Variants in CTTNBP2 observed in about 807,000 individuals in gnomAD.
The protein encoded by CTTNBP2 is cortactin-binding protein 2.
A neutral mutation model predicts 156.9 loss-of-function variants in CTTNBP2; 108 were observed. The ratio of observed to expected loss-of-function variants is 0.69; its 90% CI spans 0.59 to 0.81. The LOEUF (loss-of-function observed/expected upper bound fraction) is 0.81, where lower values mean the gene tolerates loss of function less well. CTTNBP2 is among the 30% of genes least tolerant of loss of function. The pLI, the probability that CTTNBP2 is intolerant of heterozygous loss-of-function variation, is 0.00. For missense variants in CTTNBP2, 1,924 were observed against 2,035.4 expected (o/e 0.95, Z 1.05); for synonymous variants, 767 against 751.8 (o/e 1.02, Z -0.33).
chr7:117,716,048 T>TAA (rs1280013752), intron 22 of CTTNBP2: 1 of 149,016 alleles, frequency 6.7e-6, no homozygotes, highest in Non-Finnish European at 1.5e-5. Flanking sequence ...TCCCTCCAAA[T>TAA]AAGTGTCTTC....
intron 9 of CTTNBP2, among the ~76,000 whole-genome samples, chr7:117,763,307 A>C (rs990187895): frequency 6.6e-6 from 1 of 152,164 alleles, no homozygotes; most frequent in Non-Finnish European, 1.5e-5. Context: ...CAATGGATGA[A>C]GAAAACTATT....
intron 3 of CTTNBP2, among the ~76,000 whole-genome samples, chr7:117,808,237 T>C (rs1250070169): frequency 6.6e-6 from 1 of 151,838 alleles, no homozygotes; most frequent in Non-Finnish European, 1.5e-5. Flanking sequence ...TCCTCCCTAC[T>C]GTTCAAAGAA....
chr7:117,711,545 TAGGTTTTTC>T lies in CTTNBP2; in HGVS notation c.4975_4983del (p.Glu1659_Pro1661del), dbSNP rs1369534183. On this transcript the variant is annotated inframe_deletion, in exon 23 of 23. Transcript: ENST00000160373. ...GAATATTGTAGGCAGGCCTATTTGTTAGGTTTTTCTAGGTGTTCATTTTTGTGTAAGTTC... is the reference window on the plus strand; with the variant it reads ...GAATATTGTAGGCAGGCCTATTTGTTTAGGTGTTCATTTTTGTGTAAGTTC... The T allele has an allele frequency of 6.2e-7, 1 of 1,612,000 alleles. No individual in the cohort carries two copies. The highest frequency in any genetic ancestry group is 8.5e-7 in the Non-Finnish European group (1 of 1,179,418).
In CTTNBP2 at chr7:117,711,308, T is replaced by C. The variant is rs1794040278; in HGVS notation, c.*229A>G. On this transcript the variant is annotated 3_prime_UTR_variant, in exon 23 of 23. Coordinates refer to ENST00000160373, the MANE Select transcript of CTTNBP2 (RefSeq NM_033427.3). ...TTCTATTATAAAACTACTTGAAAAG[T>C]TGGCATAACTTCCTGGTATTGAAGT... is the stretch of plus-strand genomic sequence containing the variant. The C allele has an allele frequency of 2.2e-6, 1 of 452,982 alleles. No individual in the cohort carries two copies. The highest frequency in any genetic ancestry group is 3.1e-5 in the South Asian group (1 of 32,254). 28.1% of individuals were successfully genotyped at this position (452,982 alleles called of 1,614,324 possible).
chr7:117,741,551 C>A (rs1459124251), intron 14 of CTTNBP2, among the ~76,000 whole-genome samples: 1 of 152,146 alleles, frequency 6.6e-6, no homozygotes, highest in African/African-American at 2.4e-5. Flanking sequence ...AATATTTGAC[C>A]CAATTATAGT....
At chr7:117,728,068 A>G (rs1321441636) in intron 17 of CTTNBP2, 21 bp downstream of exon 17, 5 of 1,605,388 alleles carry the variant, frequency 3.1e-6, no homozygotes, top group Non-Finnish European at 4.3e-6. Context: ...AAGCAGAAAG[A>G]TAAGGAAAAA....
chr7:117,864,677 T>TCTAGATGTATGAATATATATA (rs1491334169), intron 1 of CTTNBP2, among the ~76,000 whole-genome samples: 1 of 141,732 alleles, frequency 7.1e-6, no homozygotes, highest in Non-Finnish European at 1.6e-5. Flanking sequence ...TATTCATATA[T>TCTAGATGTATGAATATATATA]TTATATATAT....
chr7:117,776,662 A>AATGGGCC, intron 8 of CTTNBP2, among the ~76,000 whole-genome samples: 1 of 152,148 alleles, frequency 6.6e-6, no homozygotes. Flanking sequence ...CCTCCTCCAG[A>AATGGGCC]ATGGGCCATG....
intron 18 of CTTNBP2, 22 bp from the exon 19 acceptor site, chr7:117,724,754 C>A (rs1246215356): frequency 1.9e-6 from 3 of 1,612,286 alleles, no homozygotes; most frequent in Non-Finnish European, 2.5e-6. Context: ...CAAATCACAG[C>A]AGGGATAATG....
rs550205232 is a variant in CTTNBP2, at chr7:117,784,405, G to A, written c.2118C>T (p.Pro706=). 20 of 1,612,860 alleles carry A rather than the reference G, an allele frequency of 1.2e-5. No individual in the cohort carries two copies. In the Admixed American group the frequency reaches 2.7e-4, roughly 22 times the overall value. The stretch of plus-strand genomic sequence containing the variant: ...GAAGAAGGGTGGGCCTGCCAGCCAG[G>A]GGGGCAGGACCACCACTCATTAGCA... ...TPLLMSGGPA[P]LAGRPTLLQQ... Residue 706 remains proline (P), a synonymous_variant, in exon 5 of 23, where the codon CCC becomes CCT. Coordinates refer to ENST00000160373, the MANE Select transcript of CTTNBP2 (RefSeq NM_033427.3).
At chr7:117,711,825 C>T (rs1794075615) in intron 22 of CTTNBP2, 43 bp from the exon 23 acceptor site, 2 of 1,579,576 alleles carry the variant, frequency 1.3e-6, no homozygotes, top group Non-Finnish European at 8.6e-7. Flanking sequence ...ACAAACTTCT[C>T]CTGTTATGAG....
At chr7:117,813,107 C>T (rs1000343983) in intron 2 of CTTNBP2, among the ~76,000 whole-genome samples, 4 of 152,078 alleles carry the variant, frequency 2.6e-5, no homozygotes, top group South Asian at 2.1e-4. Context: ...AATGTCGTAC[C>T]GGACTGGTTC....
At chr7:117,713,078 T>C (rs1331215236) in intron 22 of CTTNBP2, among the ~76,000 whole-genome samples, 1 of 152,024 alleles carries the variant, frequency 6.6e-6, no homozygotes, top group Non-Finnish European at 1.5e-5. Context: ...AAGTGAGGGG[T>C]CTAGGTTGCC....
In CTTNBP2 at chr7:117,810,665, C is replaced by T. The variant is rs569657041; in HGVS notation, c.414+100G>A. ...GCACTTCTAAGTACTTATTGCAATC[C>T]TGTCTGAAAATATAATACTGAAGAA... On this transcript the variant is annotated intron_variant, in intron 3 of 22. Coordinates refer to ENST00000160373, the MANE Select transcript of CTTNBP2 (RefSeq NM_033427.3). The T allele has an allele frequency of 3.9e-4, 358 of 916,872 alleles. 1 individual carries two copies. The highest frequency in any genetic ancestry group is 5.8e-4 in the Non-Finnish European group (331 of 569,592). The allele number at this position is 916,872 out of a possible 1,614,324, so 56.8% of individuals were successfully genotyped here. A position where few individuals can be genotyped will look rare whatever the true frequency, so the allele number is the denominator to read the frequency against.
At chr7:117,866,323 C>T (rs1804195243) in intron 1 of CTTNBP2, among the ~76,000 whole-genome samples, 2 of 152,238 alleles carry the variant, frequency 1.3e-5, no homozygotes, top group African/African-American at 2.4e-5. Flanking sequence ...GTGGAACCAA[C>T]CAACAGTGAT....
At chr7:117,716,417 T>A (rs1461262222) in intron 22 of CTTNBP2, among the ~76,000 whole-genome samples, 1 of 152,116 alleles carries the variant, frequency 6.6e-6, no homozygotes, top group Non-Finnish European at 1.5e-5. Flanking sequence ...GCTAAGATCC[T>A]CCTGGCCCCT....
chr7:117,803,729 T>C (rs35918397), intron 3 of CTTNBP2, among the ~76,000 whole-genome samples: 3,961 of 152,068 alleles, frequency 0.026, 70 homozygotes, highest in South Asian at 0.033. Context: ...AGGAGACTTA[T>C]AGAGTTAAAG....
At chr7:117,755,571 C>T (rs944149544) in intron 12 of CTTNBP2, 2 of 469,472 alleles carry the variant, frequency 4.3e-6, no homozygotes, top group African/African-American at 2.0e-5. Flanking sequence ...TTCAGTTTCC[C>T]CATCTGTAAA....
At chr7:117,863,874 G>T (rs753685162) in intron 1 of CTTNBP2, among the ~76,000 whole-genome samples, 1 of 152,122 alleles carries the variant, frequency 6.6e-6, no homozygotes. Flanking sequence ...TGAAAGACAG[G>T]CTCTTTTATC....
Sources: allele counts gnomAD v4.1 joint callset (sites outside exome capture counted in the v4.1 genomes callset), GRCh38; gene constraint gnomAD v4.1.1; transcripts MANE v1.5; gene names NCBI Gene and HGNC (gene_info 2026-07-23, HGNC 2026-07-21).